DYNC2I1: variants seen among roughly 807,000 people sequenced by gnomAD.
The protein encoded by DYNC2I1 is cytoplasmic dynein 2 intermediate chain 1.
In DYNC2I1, 89 loss-of-function variants were observed where a neutral mutation model predicts 133.4. The ratio of observed to expected loss-of-function variants is 0.67; its 90% confidence interval spans 0.56 to 0.80. The LOEUF (loss-of-function observed/expected upper bound fraction) is 0.80. DYNC2I1 is among the 30% of genes least tolerant of loss of function. DYNC2I1 has a pLI of 0.00. For synonymous variants in DYNC2I1, 504 were observed against 484.3 expected (o/e 1.04, Z -0.54); for missense variants, 1,291 against 1,314.5 (o/e 0.98, Z 0.28).
chr7:158,933,057 A>G (rs1256951524), intron 21 of DYNC2I1, among the ~76,000 whole-genome samples: 1 of 151,778 alleles, frequency 6.6e-6, no homozygotes, highest in Non-Finnish European at 1.5e-5. Flanking sequence ...AGATGGAGGT[A>G]AGGATTTGGG....
upstream of DYNC2I1, among the ~76,000 whole-genome samples, chr7:158,855,939 C>CTTTTT (rs71200072): frequency 6.5e-4 from 78 of 119,262 alleles, no homozygotes; most frequent in Non-Finnish European, 9.1e-4. Context: ...AAGCTCTTTT[C>CTTTTT]TTTTTTTTTT....
intron 8 of DYNC2I1, 49 bp downstream of exon 8, chr7:158,891,382 AC>A: frequency 6.2e-7 from 1 of 1,604,908 alleles, no homozygotes; most frequent in South Asian, 1.1e-5. Flanking sequence ...CCCAGCACAG[AC>A]CCACTCACAT....
chr7:158,937,241 T>C (rs1203823693), intron 23 of DYNC2I1, among the ~76,000 whole-genome samples: 3 of 152,236 alleles, frequency 2.0e-5, no homozygotes, highest in Non-Finnish European at 4.4e-5. Context: ...GAAACATATT[T>C]GCTGGACTGC....
chr7:158,887,792 C>T (rs753555667), intron 7 of DYNC2I1, among the ~76,000 whole-genome samples: 1 of 152,202 alleles, frequency 6.6e-6, no homozygotes, highest in Non-Finnish European at 1.5e-5. Context: ...CATCATCCCT[C>T]TCCTTGCATA....
At chr7:158,863,604 C>A (rs1333723032) in intron 1 of DYNC2I1, among the ~76,000 whole-genome samples, 3 of 114,198 alleles carry the variant, frequency 2.6e-5, no homozygotes, top group South Asian at 2.9e-4. Context: ...GTGAGCCGGA[C>A]GTCCTTAGCT....
At chr7:158,893,871 TATC>T (rs1031384405) in intron 8 of DYNC2I1, among the ~76,000 whole-genome samples, 19 of 152,024 alleles carry the variant, frequency 1.2e-4, no homozygotes, top group African/African-American at 3.9e-4. Context: ...TTGTACCACA[TATC>T]ATATCGTAAC....
rs539569652 is a variant in DYNC2I1, at chr7:158,944,299, C to G, written c.3003-1282C>G. On this transcript the variant is annotated intron_variant, in intron 24 of 24. Coordinates refer to ENST00000407559, the MANE Select transcript of DYNC2I1 (RefSeq NM_018051.5). ...CCCTCTTTGCTTGGATTCTGTCTACCTTAACAAATATGAAGGATGTGTAAA... is the reference window on the plus strand; with the variant it reads ...CCCTCTTTGCTTGGATTCTGTCTACGTTAACAAATATGAAGGATGTGTAAA... 1.6e-4 allele frequency among the ~76,000 whole-genome samples: 24 copies of G among 152,044 alleles called. 1 individual carries two copies.
rs577147965 is a variant in DYNC2I1, at chr7:158,943,411, G to A, written c.3002+1263G>A. Among the ~76,000 whole-genome samples, 15 of 152,292 alleles carry A rather than the reference G, an allele frequency of 9.8e-5. No individual in the cohort carries two copies. The South Asian group carries it at 2.5e-3, about 25-fold the overall frequency. ...AAGAAAGACAATGAGCAGAGTGAACGAGGGGGTCCCGAAATGTGCTGGAAA... is the reference window on the plus strand; with the variant it reads ...AAGAAAGACAATGAGCAGAGTGAACAAGGGGGTCCCGAAATGTGCTGGAAA... On this transcript the variant is annotated intron_variant, in intron 24 of 24. Coordinates refer to ENST00000407559, the MANE Select transcript of DYNC2I1 (RefSeq NM_018051.5).
chr7:158,945,659 T>C lies in DYNC2I1; in HGVS notation c.3081T>C (p.Ser1027=), dbSNP rs182098988. 1.2e-4 allele frequency: 188 copies of C among 1,612,722 alleles called. No individual in the cohort carries two copies. In the African/African-American group the frequency reaches 2.1e-3, roughly 18 times the overall value. The change falls in exon 25 of 25, where the codon TCT becomes TCC. Residue 1027 remains serine (S), a synonymous_variant. Transcript: ENST00000407559. The surrounding 1 kb of genome is among the most constrained non-coding windows in gnomAD (Gnocchi z 4.1). ...SFLALVLARA[S]GSIDIQHLKR... ...TGGCCCTGGTGCTGGCCAGGGCGTC[T>C]GGCTCCATCGACATCCAGCACCTGA...
At chr7:158,883,728 A>G (rs1844300771) in intron 5 of DYNC2I1, among the ~76,000 whole-genome samples, 1 of 138,702 alleles carries the variant, frequency 7.2e-6, no homozygotes, top group African/African-American at 2.8e-5. Flanking sequence ...CATTGGCGCA[A>G]TCTCGGCTCA....
chr7:158,943,050 T>A (rs1851531519), intron 24 of DYNC2I1, among the ~76,000 whole-genome samples: 1 of 152,160 alleles, frequency 6.6e-6, no homozygotes, highest in South Asian at 2.1e-4. Flanking sequence ...ACTGTGAGGG[T>A]TCATGTTGAC....
At chr7:158,858,849 C>G (rs1338826270) in intron 1 of DYNC2I1, among the ~76,000 whole-genome samples, 1 of 68,476 alleles carries the variant, frequency 1.5e-5, no homozygotes, top group Non-Finnish European at 2.8e-5. Flanking sequence ...TTTCCCCTCC[C>G]TTCCTCTCCC....
chr7:158,913,684 C>T (rs1202782510), intron 13 of DYNC2I1, among the ~76,000 whole-genome samples: 1 of 152,062 alleles, frequency 6.6e-6, no homozygotes, highest in Admixed American at 6.6e-5. Flanking sequence ...TTAAGACTTA[C>T]ATGATAATTA....
intron 11 of DYNC2I1, among the ~76,000 whole-genome samples, chr7:158,907,418 T>C (rs74778669): frequency 0.05 from 7,549 of 152,188 alleles, 290 homozygotes; most frequent in Middle Eastern, 0.14. Context: ...AATTATATTT[T>C]GAAAAACAAG....
chr7:158,839,348 A>C, the DYNC2I1 span, among the ~76,000 whole-genome samples: 1 of 146,566 alleles, frequency 6.8e-6, no homozygotes, highest in African/African-American at 2.6e-5. Flanking sequence ...AAACCTAAAG[A>C]GGATGCTAAT....
intron 1 of DYNC2I1, among the ~76,000 whole-genome samples, chr7:158,858,128 G>A (rs1346242641): frequency 6.6e-6 from 1 of 152,112 alleles, no homozygotes; most frequent in African/African-American, 2.4e-5. Flanking sequence ...CCCTAGTTAA[G>A]ATTAAGAAGC....
chr7:158,880,926 C>G (rs1044111979), intron 5 of DYNC2I1, among the ~76,000 whole-genome samples: 2 of 152,176 alleles, frequency 1.3e-5, no homozygotes, highest in African/African-American at 4.8e-5. Context: ...CAGGTGGTAT[C>G]TGAGGCTAGG....
intron 23 of DYNC2I1, among the ~76,000 whole-genome samples, chr7:158,938,476 G>A (rs10272593): frequency 0.16 from 24,667 of 152,232 alleles, 2,183 homozygotes; most frequent in African/African-American, 0.19. Context: ...GCTAAAGGGA[G>A]GCTGGGCATG....
At chr7:158,913,464 T>C (rs1847692452) in intron 13 of DYNC2I1, among the ~76,000 whole-genome samples, 1 of 152,212 alleles carries the variant, frequency 6.6e-6, no homozygotes, top group Non-Finnish European at 1.5e-5. Context: ...GAATATAGAA[T>C]TTTTATGTTT....
Sources: gnomAD v4.1 joint callset for allele counts (sites outside exome capture counted in the v4.1 genomes callset) on GRCh38, gnomAD v4.1.1 for gene constraint, Gnocchi (gnomAD v3.1) non-coding constraint, MANE v1.5 for transcripts, NCBI Gene and HGNC (gene_info 2026-07-23, HGNC 2026-07-21) for gene names.